Variants in ZNF831 observed in about 807,000 individuals in gnomAD.
ZNF831 encodes the protein zinc finger protein 831.
A neutral mutation model predicts 95.8 loss-of-function variants in ZNF831; 59 were observed. The observed-to-expected ratio is 0.62, with a 90% CI of 0.50 to 0.77. The LOEUF is 0.77. Among genes scored for constraint, ZNF831 ranks in the 30% least tolerant of loss-of-function variants. The pLI is 0.00. For missense variants in ZNF831, 2,205 were observed against 2,164.0 expected, an observed-to-expected ratio of 1.02 and a Z score of -0.38; for synonymous variants, 961 against 925.5, an observed-to-expected ratio of 1.04 and a Z score of -0.70.
intron 1 of ZNF831, among the ~76,000 whole-genome samples, chr20:59,170,165 A>G (rs202236604): frequency 6.6e-6 from 1 of 152,118 alleles, no homozygotes; most frequent in African/African-American, 2.4e-5. Context: ...TTGTGGGTAC[A>G]TAGTAGGTGT....
Position 59,194,156 on chromosome 20 carries a change from G to A in ZNF831, c.3137G>A (p.Gly1046Glu), listed in dbSNP as rs776712812. The A allele has an allele frequency of 1.5e-5, 24 of 1,578,130 alleles. No individual in the cohort carries two copies. In the East Asian group the frequency reaches 4.9e-4, roughly 32 times the overall value. The change falls in exon 2 of 6, where the codon GGG becomes GAG. Residue 1046 changes from glycine (G) to glutamate (E), a missense_variant. By Grantham distance (98) the Gly-to-Glu change is moderately conservative. Transcript: ENST00000371030. Reference protein sequence around the residue: ...AARELPISAPGAPREATSSPP... With the variant: ...AARELPISAPEAPREATSSPP... ...AGGGAGTTGCCCATCTCAGCACCAG[G>A]GGCTCCCAGGGAGGCTACCTCCTCC...
chr20:59,154,527 C>T (rs1980423564), intron 2 of ZNF831, among the ~76,000 whole-genome samples: 1 of 152,218 alleles, frequency 6.6e-6, no homozygotes, highest in Non-Finnish European at 1.5e-5. Flanking sequence ...CTTCTTCAGA[C>T]TCCATGAGGA....
chr20:59,251,375 T>A (rs984707873), intron 4 of ZNF831, among the ~76,000 whole-genome samples: 2 of 152,146 alleles, frequency 1.3e-5, no homozygotes, highest in Admixed American at 6.5e-5. Context: ...AATCATATTG[T>A]CTCCAGACTT....
At chr20:59,198,929 G>A (rs892689436) in intron 3 of ZNF831, among the ~76,000 whole-genome samples, 3 of 152,060 alleles carry the variant, frequency 2.0e-5, no homozygotes, top group Non-Finnish European at 4.4e-5. Flanking sequence ...AGCACCATGA[G>A]GGCATGGATA....
At chr20:59,176,973 C>A (rs755448944) in intron 1 of ZNF831, among the ~76,000 whole-genome samples, 6 of 151,658 alleles carry the variant, frequency 4.0e-5, no homozygotes, top group Non-Finnish European at 8.8e-5. Context: ...TCAAGATAAA[C>A]CTCCAACACA....
chr20:59,160,816 T>C (rs995671432), upstream of ZNF831: 10 of 151,802 alleles, frequency 6.6e-5, no homozygotes, highest in East Asian at 1.9e-4. Flanking sequence ...TTTTTTTTTT[T>C]CTAGCTGCAT....
chr20:59,124,788 G>A (rs945946625), intron 1 of ZNF831, among the ~76,000 whole-genome samples: 8 of 152,196 alleles, frequency 5.3e-5, no homozygotes, highest in African/African-American at 1.2e-4. Context: ...GGCTCTTATC[G>A]CAGTGGGCTT....
chr20:59,252,606 C>G (rs1215665969), intron 4 of ZNF831, among the ~76,000 whole-genome samples: 1 of 152,024 alleles, frequency 6.6e-6, no homozygotes, highest in African/African-American at 2.4e-5. Flanking sequence ...AGTGAAACGT[C>G]TATTCTGACT....
Position 59,194,562 on chromosome 20 carries a change from G to T in ZNF831, c.3543G>T (p.Pro1181=). 1 of 1,606,602 alleles carries T rather than the reference G, an allele frequency of 6.2e-7. No homozygotes were observed. The highest frequency in any genetic ancestry group is 8.5e-7 in the Non-Finnish European group (1 of 1,176,072). ...QNPFPSLKAE[P]RLTWCCLSRS... ...CCTTTCCCTCACTGAAGGCTGAGCC[G>T]CGGCTCACGTGGTGTTGCCTGAGCC... is the stretch of plus-strand genomic sequence containing the variant. Residue 1181 remains proline (P), a synonymous_variant, in exon 2 of 6, where the codon CCG becomes CCT. Coordinates refer to ENST00000371030, the MANE Select transcript of ZNF831 (RefSeq NM_178457.3).
At chr20:59,145,444 A>G (rs936518428) in intron 1 of ZNF831, among the ~76,000 whole-genome samples, 1 of 152,210 alleles carries the variant, frequency 6.6e-6, no homozygotes, top group Non-Finnish European at 1.5e-5. Context: ...AATGTGCTCT[A>G]TGATTATTCC....
intron 4 of ZNF831, among the ~76,000 whole-genome samples, chr20:59,225,326 C>A (rs1329108878): frequency 6.6e-6 from 1 of 152,168 alleles, no homozygotes; most frequent in African/African-American, 2.4e-5. Context: ...GCTGGTTTAG[C>A]AAGACTTGCT....
At chr20:59,206,626 G>A (rs1404832391) in intron 3 of ZNF831, among the ~76,000 whole-genome samples, 1 of 152,216 alleles carries the variant, frequency 6.6e-6, no homozygotes, top group Non-Finnish European at 1.5e-5. Context: ...AAACCTAATT[G>A]CAGCAACTAT....
In ZNF831 at chr20:59,254,777, G is replaced by T; in HGVS notation, c.*34G>T. The T allele has an allele frequency of 6.4e-7, 1 of 1,565,896 alleles. No homozygotes were observed. The highest frequency in any genetic ancestry group is 8.6e-7 in the Non-Finnish European group (1 of 1,161,538). ...GAGAAACATGGTGTCTGGTCAAAAA[G>T]ACTGTTGACGCTTCACAAGTAAATG... On this transcript the variant is annotated 3_prime_UTR_variant, in exon 6 of 6. Coordinates refer to ENST00000371030, the MANE Select transcript of ZNF831 (RefSeq NM_178457.3). The surrounding 1 kb of genome is among the most constrained non-coding windows in gnomAD (Gnocchi z 4.5).
rs259984 is a variant in ZNF831, at chr20:59,191,988, G to C, written c.969G>C (p.Ala323=). ...TGCAGCGGCAGCAGGCGACGGCAGC[G>C]GAGAAGCCCTGGGATGCCAAGGCCC... ...CALQRQQATA[A]EKPWDAKAPE... The change falls in exon 2 of 6, where the codon GCG becomes GCC. Residue 323 remains alanine (A), a synonymous_variant. Coordinates refer to ENST00000371030, the MANE Select transcript of ZNF831 (RefSeq NM_178457.3). 0.25 allele frequency: 402,590 copies of C among 1,606,596 alleles called. 54,202 individuals are homozygous for C. Among genetic ancestry groups the C allele is most frequent in the African/African-American group, 0.53 (39,823 of 74,708 alleles).
chr20:59,159,681 T>A (rs150834847), upstream of ZNF831: 2 of 152,128 alleles, frequency 1.3e-5, no homozygotes, highest in Non-Finnish European at 2.9e-5. Flanking sequence ...CTTCTGACAA[T>A]GGAGAGAGCA....
chr20:59,246,772 A>G (rs1285549485), intron 4 of ZNF831, among the ~76,000 whole-genome samples: 1 of 152,360 alleles, frequency 6.6e-6, no homozygotes, highest in South Asian at 2.1e-4. Context: ...ATGATTACTT[A>G]GAGGCAAACT....
chr20:59,152,421 G>A (rs534729104), intron 2 of ZNF831, among the ~76,000 whole-genome samples: 4 of 152,156 alleles, frequency 2.6e-5, no homozygotes, highest in South Asian at 4.1e-4. Flanking sequence ...AGAAGGAAGG[G>A]AATTCCTGGC....
rs746955063 is a variant in ZNF831 at position 59,194,083 on chromosome 20, T to A, written c.3064T>A (p.Leu1022Met). The change falls in exon 2 of 6, where the codon TTG becomes ATG. Residue 1022 changes from leucine to methionine, a missense_variant. Transcript: ENST00000371030. Reference sequence around the variant, plus strand: ...ACAGGATGGGAGAAAAGGGGCACAGTTGGGGGGGGACAAGGGGGACAGGAT... The same window carrying A: ...ACAGGATGGGAGAAAAGGGGCACAGATGGGGGGGGACAAGGGGGACAGGAT... ...RPQDGRKGAQ[L>M]GGDKGDRMAT... 1 of 1,540,046 alleles carries A rather than the reference T, an allele frequency of 6.5e-7. No homozygotes were observed. Among genetic ancestry groups the A allele is most frequent in the Non-Finnish European group, 8.7e-7 (1 of 1,143,538 alleles).
intron 4 of ZNF831, among the ~76,000 whole-genome samples, chr20:59,247,037 A>C (rs75730847): frequency 1.3e-5 from 2 of 152,230 alleles, no homozygotes; most frequent in East Asian, 1.9e-4. Flanking sequence ...AAGAGGCTTC[A>C]TAAACAAAAA....
Sources: gnomAD v4.1 joint callset for allele counts (sites outside exome capture counted in the v4.1 genomes callset) on GRCh38, gnomAD v4.1.1 for gene constraint, Gnocchi (gnomAD v3.1) non-coding constraint, MANE v1.5 for transcripts, NCBI Gene and HGNC (gene_info 2026-07-23, HGNC 2026-07-21) for gene names.